The following HCK variants were observed in gnomAD, a reference collection of about 807,000 sequenced individuals.
HCK encodes tyrosine-protein kinase HCK.
In HCK, 40 loss-of-function variants were observed where a neutral mutation model predicts 70.4. The ratio of observed to expected loss-of-function variants is 0.57; its 90% CI spans 0.44 to 0.74. The LOEUF is 0.74. HCK is among the 30% of genes least tolerant of loss of function. HCK has a pLI of 0.00. For synonymous variants in HCK, 245 were observed against 263.2 expected, an observed-to-expected ratio of 0.93 and a Z score of 0.67; for missense variants, 568 against 697.2, an observed-to-expected ratio of 0.81 and a Z score of 2.09.
At chr20:32,084,583 G>A in intron 8 of HCK, 40 bp downstream of exon 8, 10 of 1,564,428 alleles carry the variant, frequency 6.4e-6, no homozygotes, top group Non-Finnish European at 8.7e-6. Context: ...CCAGAGGGTG[G>A]AGGGGAGAGG....
chr20:32,078,649 G>A (rs1025611346), intron 5 of HCK, among the ~76,000 whole-genome samples: 8 of 151,998 alleles, frequency 5.3e-5, no homozygotes, highest in Non-Finnish European at 1.2e-4. Flanking sequence ...CTGAGTTCAG[G>A]AGTTCGAGAC....
intron 10 of HCK, 43 bp from the exon 11 acceptor site, chr20:32,093,820 T>C: frequency 6.4e-7 from 1 of 1,571,868 alleles, no homozygotes; most frequent in East Asian, 2.3e-5. Flanking sequence ...CATCTTGGCG[T>C]AGGCCAGGTC....
chr20:32,083,862 C>T (rs765737953), intron 6 of HCK, 32 bp from the exon 7 acceptor site: 1 of 1,613,610 alleles, frequency 6.2e-7, no homozygotes, highest in Non-Finnish European at 8.5e-7. Flanking sequence ...TCCAAGATGC[C>T]ATTCTGAGGG....
chr20:32,076,168 C>T (rs2045622017), intron 5 of HCK, among the ~76,000 whole-genome samples: 1 of 151,700 alleles, frequency 6.6e-6, no homozygotes, highest in Non-Finnish European at 1.5e-5. Flanking sequence ...ACTAAAAATA[C>T]AAAAAAAATT....
chr20:32,052,426 T>TG lies in HCK; in HGVS notation c.9dup (p.Arg4_?3), dbSNP rs755024531. 5.4e-5 allele frequency: 69 copies of TG among 1,282,422 alleles called. No individual in the cohort carries two copies. Among genetic ancestry groups the TG allele is most frequent in the South Asian group, 3.0e-4 (11 of 36,806 alleles). 79.4% of individuals were successfully genotyped at this position (1,282,422 alleles called of 1,614,324 possible). A position where few individuals can be genotyped will look rare whatever the true frequency, so the allele number is the denominator to read the frequency against. On this transcript the variant is annotated frameshift_variant and start_lost, in exon 1 of 13. Coordinates refer to ENST00000375852, the MANE Select transcript of HCK (RefSeq NM_002110.5). LOFTEE classifies it high-confidence loss of function. ...CCCGGAACCTCAGGGGCTGCCGAGC[T>TG]GGGGGGGCGCTCAAGCTGCGAGGAT...
At chr20:32,094,849 GAAAA>G (rs2045933518) in intron 11 of HCK, among the ~76,000 whole-genome samples, 3 of 135,642 alleles carry the variant, frequency 2.2e-5, no homozygotes, top group Admixed American at 7.6e-5. Context: ...AAGAAAGAAA[GAAAA>G]GAAAGAAAGA....
chr20:32,075,166 T>C (rs1423339314), intron 5 of HCK, among the ~76,000 whole-genome samples: 1 of 152,114 alleles, frequency 6.6e-6, no homozygotes, highest in Non-Finnish European at 1.5e-5. Flanking sequence ...GTGAGACAGC[T>C]CACACCTGGC....
rs994073161 is a variant in HCK, at chr20:32,052,382, A to G, written c.-43A>G. 2.0e-5 allele frequency: 26 copies of G among 1,273,024 alleles called. No individual in the cohort carries two copies. The African/African-American group carries it at 4.0e-4, about 20-fold the overall frequency. 78.9% of individuals were successfully genotyped at this position (1,273,024 alleles called of 1,614,324 possible). A position where few individuals can be genotyped will look rare whatever the true frequency, so the allele number is the denominator to read the frequency against. ...CCCCCGCCTCTAGTTCTAGAAAGTC[A>G]GTTTCCCGGCACTGGCACCCCGGAA... On this transcript the variant is annotated 5_prime_UTR_variant, in exon 1 of 13. Coordinates refer to ENST00000375852, the MANE Select transcript of HCK (RefSeq NM_002110.5).
chr20:32,072,929 C>T (rs1361024439), intron 2 of HCK, among the ~76,000 whole-genome samples: 1 of 152,034 alleles, frequency 6.6e-6, no homozygotes, highest in East Asian at 1.9e-4. Flanking sequence ...GGTGAAACCC[C>T]ATCTCTACTA....
At position 32,101,465 on chromosome 20, in the gene HCK, T is replaced by A; in HGVS notation, c.1527T>A (p.Ser509Arg). ...GGCCGACCTTCGAATACATCCAGAGTGTGCTGGATGACTTCTACACGGCCA... is the reference window on the plus strand; with the variant it reads ...GGCCGACCTTCGAATACATCCAGAGAGTGCTGGATGACTTCTACACGGCCA... The change falls in exon 13 of 13, where the codon AGT (serine) becomes AGA (arginine). Residue 509 changes from serine (S) to arginine (R), a missense_variant. Ser to Arg is a moderately radical substitution (Grantham distance 110). Coordinates refer to ENST00000375852, the MANE Select transcript of HCK (RefSeq NM_002110.5). 6.2e-7 allele frequency: 1 copy of A among 1,613,388 alleles called. No homozygotes were observed. The highest frequency in any genetic ancestry group is 8.5e-7 in the Non-Finnish European group (1 of 1,179,792).
In HCK at chr20:32,101,596, C is replaced by T. The variant is rs2046036728; in HGVS notation, c.*77C>T. On this transcript the variant is annotated 3_prime_UTR_variant, in exon 13 of 13. Coordinates refer to ENST00000375852, the MANE Select transcript of HCK (RefSeq NM_002110.5). The stretch of plus-strand genomic sequence containing the variant: ...GGCTCCAGCACCATCCGCCAGGGCC[C>T]ACACCCCCTTCCTACTCCCAGACAC... 8.1e-7 allele frequency: 1 copy of T among 1,235,260 alleles called. No individual in the cohort carries two copies. Among genetic ancestry groups the T allele is most frequent in the Admixed American group, 2.1e-5 (1 of 46,624 alleles). The allele number at this position is 1,235,260 out of a possible 1,614,324, so 76.5% of individuals were successfully genotyped here.
chr20:32,059,279 T>TCTTCTTTCCTTC (rs1555874036), intron 1 of HCK, among the ~76,000 whole-genome samples: 1 of 145,960 alleles, frequency 6.9e-6, no homozygotes, highest in African/African-American at 2.6e-5. Context: ...AATGTTTTAA[T>TCTTCTTTCCTTC]CTTCCTTCCT....
rs77791474 is a variant in HCK, at chr20:32,078,789, A to G, written c.429-985A>G. Among the ~76,000 whole-genome samples the G allele has an allele frequency of 2.2e-3, 311 of 138,414 alleles. 2 individuals carry two copies. The highest frequency in any genetic ancestry group is 7.9e-3 in the African/African-American group (280 of 35,236). The allele number at this position is 138,414 out of a possible 152,430, so 90.8% of individuals were successfully genotyped here. A position where few individuals can be genotyped will look rare whatever the true frequency, so the allele number is the denominator to read the frequency against. On this transcript the variant is annotated intron_variant, in intron 5 of 12. Transcript: ENST00000375852. ...AAATAATTGCTTGAACCCGAGAAGC[A>G]GAGGTTTCAGTGAGCCCAGATCACA... is the stretch of plus-strand genomic sequence containing the variant.
intron 5 of HCK, among the ~76,000 whole-genome samples, chr20:32,078,879 A>AGGGGGGG (rs377179319): frequency 7.4e-6 from 1 of 134,958 alleles, no homozygotes; most frequent in Admixed American, 7.8e-5. Flanking sequence ...AAAAAAAAAA[A>AGGGGGGG]GGGGGGGAAT....
At chr20:32,061,271 T>C (rs6579320) in intron 1 of HCK, among the ~76,000 whole-genome samples, 9,271 of 152,252 alleles carry the variant, frequency 0.061, 681 homozygotes, top group East Asian at 0.29. Flanking sequence ...CGTGAGCCAC[T>C]GCGCCCAGCT....
At chr20:32,091,380 A>G (rs1248177125) in intron 10 of HCK, among the ~76,000 whole-genome samples, 2 of 152,242 alleles carry the variant, frequency 1.3e-5, no homozygotes, top group Non-Finnish European at 2.9e-5. Context: ...AGCTGGGGCC[A>G]CTTACCTATT....
chr20:32,059,296 C>CTTCCTTCCTTCCTTCA (rs200298183), intron 1 of HCK, among the ~76,000 whole-genome samples: 1 of 149,802 alleles, frequency 6.7e-6, no homozygotes. Context: ...TCCTTCCTTC[C>CTTCCTTCCTTCCTTCA]CTCCCTCCCT....
chr20:32,070,065 A>T (rs1232698203), intron 1 of HCK, among the ~76,000 whole-genome samples: 1 of 152,182 alleles, frequency 6.6e-6, no homozygotes, highest in African/African-American at 2.4e-5. Context: ...GTTTTGTTTA[A>T]GCATCCTTAA....
chr20:32,083,974 A>T lies in HCK; in HGVS notation c.613A>T (p.Asn205Tyr). The change falls in exon 7 of 13, where the codon AAC becomes TAC. Residue 205 changes from asparagine (N) to tyrosine (Y), a missense_variant. Physicochemically the swap from Asn to Tyr is moderately radical, Grantham distance 143 (BLOSUM62 -2). Transcript: ENST00000375852. ...ACATTACAAGATCCGGACCCTGGAC[A>T]ACGGGGGCTTCTACATATCCCCCCG... The T allele has an allele frequency of 6.2e-7, 1 of 1,614,206 alleles. No homozygotes were observed. Among genetic ancestry groups the T allele is most frequent in the Non-Finnish European group, 8.5e-7 (1 of 1,180,016 alleles).
Sources: allele counts gnomAD v4.1 joint callset (sites outside exome capture counted in the v4.1 genomes callset), GRCh38; gene constraint gnomAD v4.1.1; transcripts MANE v1.5; gene names NCBI Gene and HGNC (gene_info 2026-07-23, HGNC 2026-07-21).